CECR2: variants seen among roughly 807,000 people sequenced by gnomAD.
The protein encoded by CECR2 is chromatin remodeling regulator CECR2.
In CECR2, 30 loss-of-function variants were observed where a neutral mutation model predicts 154.5. That is an observed-to-expected ratio of 0.19 (90% CI 0.15 to 0.26). CECR2 has a LOEUF of 0.26. Ranked by LOEUF, CECR2 falls within the 10% of genes least tolerant of loss-of-function variation. The pLI is 1.00. For synonymous variants in CECR2, 725 were observed against 683.7 expected, an observed-to-expected ratio of 1.06 and a Z score of -0.94; for missense variants, 1,743 against 1,829.3, an observed-to-expected ratio of 0.95 and a Z score of 0.86.
chr22:17,500,007 C>G (rs908056323), intron 4 of CECR2, among the ~76,000 whole-genome samples: 1 of 151,904 alleles, frequency 6.6e-6, no homozygotes, highest in Non-Finnish European at 1.5e-5. Context: ...GTCAGGAGAT[C>G]GAGACCATCC....
chr22:17,548,686 C>T lies in CECR2; in HGVS notation c.3399C>T (p.Tyr1133=), dbSNP rs1270131163. The change falls in exon 17 of 19, where the codon TAC becomes TAT. Residue 1133 remains tyrosine (Y), a synonymous_variant. Coordinates refer to ENST00000262608, the MANE Select transcript of CECR2 (RefSeq NM_001290047.2). ...GLEYPNSAAH[Y]HISPGLQGVG... is the part of the protein sequence containing the mutation. The stretch of plus-strand genomic sequence containing the variant: ...AGTACCCGAATTCAGCTGCCCATTA[C>T]CACATCAGTCCAGGCCTGCAGGGTG... 3.0e-5 allele frequency: 48 copies of T among 1,613,366 alleles called. No individual in the cohort carries two copies. The highest frequency in any genetic ancestry group is 3.6e-5 in the Non-Finnish European group (42 of 1,179,720).
At chr22:17,481,048 T>TAAAAAAAAAAAAAA (rs1569109739) in intron 2 of CECR2, among the ~76,000 whole-genome samples, 10 of 73,254 alleles carry the variant, frequency 1.4e-4, no homozygotes, top group African/African-American at 4.2e-4. Flanking sequence ...TCTTTTTTTT[T>TAAAAAAAAAAAAAA]TAAAAAAAAA....
chr22:17,508,157 T>A (rs1421875146), intron 7 of CECR2, among the ~76,000 whole-genome samples: 2 of 152,216 alleles, frequency 1.3e-5, no homozygotes, highest in Non-Finnish European at 2.9e-5. Context: ...CCCATAAGAT[T>A]ATAATTGAGC....
At chr22:17,486,140 C>T (rs1250516950) in intron 2 of CECR2, among the ~76,000 whole-genome samples, 1 of 152,164 alleles carries the variant, frequency 6.6e-6, no homozygotes, top group Non-Finnish European at 1.5e-5. Flanking sequence ...CCACCGTGCC[C>T]ATCTAAAAGG....
intron 1 of CECR2, among the ~76,000 whole-genome samples, chr22:17,428,860 C>G (rs1014506221): frequency 7.0e-6 from 1 of 142,520 alleles, no homozygotes; most frequent in Non-Finnish European, 1.5e-5. Context: ...TGGGAATGCT[C>G]AGGGAATAGG....
At position 17,541,828 on chromosome 22, in the gene CECR2, A is replaced by G; in HGVS notation, c.1885-11A>G. On this transcript the variant is annotated splice_polypyrimidine_tract_variant and intron_variant, in intron 14 of 18. Transcript: ENST00000262608. ...CTTTTTCCTCTTCTTGCTTTGTTCAATGTGCTGCAGAGGCCAGCAGTACCA... is the reference window on the plus strand; with the variant it reads ...CTTTTTCCTCTTCTTGCTTTGTTCAGTGTGCTGCAGAGGCCAGCAGTACCA... 1 of 1,605,180 alleles carries G rather than the reference A, an allele frequency of 6.2e-7. No individual in the cohort carries two copies. The highest frequency in any genetic ancestry group is 8.5e-7 in the Non-Finnish European group (1 of 1,175,674).
intron 16 of CECR2, among the ~76,000 whole-genome samples, chr22:17,547,063 T>G (rs1052139200): frequency 6.7e-6 from 1 of 149,334 alleles, no homozygotes; most frequent in East Asian, 1.9e-4. Context: ...AAAAAAAGAT[T>G]ATTTTATATA....
At chr22:17,430,930 CTG>C (rs765986578) in intron 1 of CECR2, among the ~76,000 whole-genome samples, 6 of 152,140 alleles carry the variant, frequency 3.9e-5, no homozygotes, top group Non-Finnish European at 7.4e-5. Context: ...CAGATTAACT[CTG>C]TTAGTTTTAT....
intron 1 of CECR2, among the ~76,000 whole-genome samples, chr22:17,464,047 G>C (rs1379297156): frequency 6.6e-6 from 1 of 152,184 alleles, no homozygotes; most frequent in Admixed American, 6.5e-5. Flanking sequence ...TGGAGGCTGA[G>C]AACCATTTGT....
At chr22:17,535,087 C>G (rs1184208439) in intron 9 of CECR2, among the ~76,000 whole-genome samples, 1 of 150,798 alleles carries the variant, frequency 6.6e-6, no homozygotes, top group Non-Finnish European at 1.5e-5. Context: ...GGAGGCGGAG[C>G]TCGCAGTGAG....
chr22:17,497,857 G>C (rs1256760182), intron 3 of CECR2, among the ~76,000 whole-genome samples: 1 of 152,150 alleles, frequency 6.6e-6, no homozygotes, highest in Non-Finnish European at 1.5e-5. Flanking sequence ...ATCTGCAATA[G>C]GTACAACCAG....
chr22:17,426,181 G>C (rs557240794), intron 1 of CECR2, among the ~76,000 whole-genome samples: 1 of 151,446 alleles, frequency 6.6e-6, no homozygotes, highest in African/African-American at 2.4e-5. Flanking sequence ...AAAAGACACT[G>C]GTCTTTAAAA....
chr22:17,513,934 G>C (rs968854446), intron 8 of CECR2, among the ~76,000 whole-genome samples: 1 of 152,120 alleles, frequency 6.6e-6, no homozygotes, highest in Non-Finnish European at 1.5e-5. Context: ...TTTTATTCTT[G>C]GCAGTGTTTG....
At position 17,496,111 on chromosome 22, in the gene CECR2, A is replaced by G. The variant is rs74206629; in HGVS notation, c.222-1292A>G. Among the ~76,000 whole-genome samples, 36 of 148,476 alleles carry G rather than the reference A, an allele frequency of 2.4e-4. No individual in the cohort carries two copies. In the East Asian group the frequency reaches 6.4e-3, roughly 26 times the overall value. Reference sequence around the variant, plus strand: ...CTTAAATGTTCTCTGCAGAAAAACTATCTTCAAATTTTAATATACAGACAT... The same window carrying G: ...CTTAAATGTTCTCTGCAGAAAAACTGTCTTCAAATTTTAATATACAGACAT... On this transcript the variant is annotated intron_variant, in intron 2 of 18. Coordinates refer to ENST00000262608, the MANE Select transcript of CECR2 (RefSeq NM_001290047.2).
rs540054048 is a variant in CECR2 at position 17,504,254 on chromosome 22, T to C, written c.701-593T>C. The stretch of plus-strand genomic sequence containing the variant: ...TGGATGTGCTGGTACACACCTGTAG[T>C]CCCAGCTACTTGGGGGGTGCTGAGA... On this transcript the variant is annotated intron_variant, in intron 6 of 18. Transcript: ENST00000262608. 2.0e-5 allele frequency among the ~76,000 whole-genome samples: 3 copies of C among 151,408 alleles called. No homozygotes were observed. In the East Asian group the frequency reaches 5.8e-4, roughly 29 times the overall value.
chr22:17,433,128 T>C lies in CECR2; in HGVS notation c.127-44460T>C, dbSNP rs548342616. ...TTATATCGTTGGCAAACTGGAGAGTTAATTCTTTGAACTGATACGAACAAT... is the reference window on the plus strand; with the variant it reads ...TTATATCGTTGGCAAACTGGAGAGTCAATTCTTTGAACTGATACGAACAAT... On this transcript the variant is annotated intron_variant, in intron 1 of 18. Coordinates refer to ENST00000262608, the MANE Select transcript of CECR2 (RefSeq NM_001290047.2). Among the ~76,000 whole-genome samples, 69 of 152,328 alleles carry C rather than the reference T, an allele frequency of 4.5e-4. 1 individual carries two copies. Among genetic ancestry groups the C allele is most frequent in the African/African-American group, 1.6e-3 (65 of 41,572 alleles).
At chr22:17,447,037 T>TTTTTTTTC (rs2054680581) in intron 1 of CECR2, among the ~76,000 whole-genome samples, 2 of 140,514 alleles carry the variant, frequency 1.4e-5, no homozygotes, top group African/African-American at 5.7e-5. Context: ...TACAATCTTT[T>TTTTTTTTC]TTTTTTTTTT....
chr22:17,537,306 T>C, intron 10 of CECR2, 74 bp downstream of exon 10: 1 of 1,556,034 alleles, frequency 6.4e-7, no homozygotes. Flanking sequence ...ACTTGCCCCA[T>C]GTCATCCTTA....
intron 2 of CECR2, among the ~76,000 whole-genome samples, chr22:17,495,567 TAA>T (rs35952986): frequency 2.4e-5 from 3 of 124,812 alleles, no homozygotes; most frequent in Non-Finnish European, 3.3e-5. Context: ...AAAACTCCAT[TAA>T]AAAAAAAAAA....
Sources: allele counts gnomAD v4.1 joint callset (sites outside exome capture counted in the v4.1 genomes callset), GRCh38; gene constraint gnomAD v4.1.1; transcripts MANE v1.5; gene names NCBI Gene and HGNC (gene_info 2026-07-23, HGNC 2026-07-21).